The following TRPM3 variants were observed in gnomAD, a reference collection of about 807,000 sequenced individuals.
The protein encoded by TRPM3 is long transient receptor potential channel 3.
In TRPM3, 77 loss-of-function variants were observed where a neutral mutation model predicts 181.2. That is an observed-to-expected ratio of 0.42 (90% CI 0.35 to 0.51). The LOEUF is 0.51. Ranked by LOEUF, TRPM3 falls within the 20% of genes least tolerant of loss-of-function variation. The probability of loss-of-function intolerance (pLI) is 0.01; values close to 1 mark genes in which losing one functional copy is unlikely to be tolerated. For synonymous variants in TRPM3, 745 were observed against 796.4 expected (o/e 0.94, Z 1.09); for missense variants, 1,759 against 2,196.7 (o/e 0.80, Z 3.98).
intron 1 of TRPM3, among the ~76,000 whole-genome samples, chr9:71,398,369 G>T (rs952950796): frequency 1.3e-5 from 2 of 152,164 alleles, no homozygotes; most frequent in African/African-American, 4.8e-5. Flanking sequence ...ATGAGAAGCT[G>T]TGTGTACTTT....
Position 70,535,624 on chromosome 9 carries a change from G to A in TRPM3, c.*329C>T, listed in dbSNP as rs910367079. The A allele has an allele frequency of 2.5e-5, 37 of 1,459,228 alleles. No individual in the cohort carries two copies. Among genetic ancestry groups the A allele is most frequent in the Middle Eastern group, 2.2e-4 (1 of 4,560 alleles). 90.4% of individuals were successfully genotyped at this position (1,459,228 alleles called of 1,614,324 possible). ...ATGCCTCCTGGCATGGAGCGTGCTC[G>A]AAGCCCCTTGTTTCCCCTGCTCTCA... On this transcript the variant is annotated 3_prime_UTR_variant, in exon 26 of 26. Transcript: ENST00000677713.
intron 1 of TRPM3, among the ~76,000 whole-genome samples, chr9:70,939,682 GAT>G (rs1002960844): frequency 2.0e-5 from 3 of 152,244 alleles, no homozygotes; most frequent in African/African-American, 7.2e-5. Context: ...CTAAAGGAGA[GAT>G]AGCTCAATCT....
intron 6 of TRPM3, among the ~76,000 whole-genome samples, chr9:70,789,116 C>T (rs2084690748): frequency 6.6e-6 from 1 of 152,032 alleles, no homozygotes; most frequent in Non-Finnish European, 1.5e-5. Context: ...AGCTCAAACA[C>T]AGGATATTTA....
intron 11 of TRPM3, among the ~76,000 whole-genome samples, chr9:70,635,603 C>G (rs984729041): frequency 9.9e-5 from 15 of 151,360 alleles, no homozygotes; most frequent in Non-Finnish European, 1.9e-4. Context: ...GTACACAACA[C>G]CATGCCTGGC....
At chr9:71,119,920 C>T (rs6560176) in intron 1 of TRPM3, among the ~76,000 whole-genome samples, 9,159 of 152,232 alleles carry the variant, frequency 0.06, 417 homozygotes, top group African/African-American at 0.11. Context: ...CCTAGGGAAG[C>T]AAGCCATCGC....
intron 1 of TRPM3, among the ~76,000 whole-genome samples, chr9:71,359,863 G>T (rs1159382892): frequency 6.6e-6 from 1 of 152,006 alleles, no homozygotes; most frequent in South Asian, 2.1e-4. Context: ...TATCCATAAA[G>T]TTATTACGTA....
chr9:71,367,448 T>C (rs375217292), intron 1 of TRPM3, among the ~76,000 whole-genome samples: 1 of 152,204 alleles, frequency 6.6e-6, no homozygotes, highest in South Asian at 2.1e-4. Context: ...AATTCACCTG[T>C]AAAAGGCAAG....
intron 6 of TRPM3, 130 bp downstream of exon 6, chr9:70,827,717 C>A: frequency 8.6e-7 from 1 of 1,160,840 alleles, no homozygotes; most frequent in Non-Finnish European, 1.2e-6. Context: ...AAGCTCTGGC[C>A]CGGTAGAAAT....
At chr9:71,263,319 A>G (rs1050283232) in intron 1 of TRPM3, among the ~76,000 whole-genome samples, 1 of 152,122 alleles carries the variant, frequency 6.6e-6, no homozygotes, top group Non-Finnish European at 1.5e-5. Context: ...ATTTCTCTTC[A>G]TTTAATTTCA....
chr9:71,335,677 T>C (rs2090504044), intron 1 of TRPM3, among the ~76,000 whole-genome samples: 1 of 152,154 alleles, frequency 6.6e-6, no homozygotes, highest in South Asian at 2.1e-4. Context: ...AGAAATAACC[T>C]TTTTAAAAGG....
intron 1 of TRPM3, among the ~76,000 whole-genome samples, chr9:70,880,465 T>C (rs187040317): frequency 7.9e-5 from 12 of 152,276 alleles, no homozygotes; most frequent in Admixed American, 1.3e-4. Flanking sequence ...TGGTCCTTGC[T>C]AGCTTTCATC....
chr9:71,438,506 C>A (rs1174428873), intron 1 of TRPM3, among the ~76,000 whole-genome samples: 1 of 149,644 alleles, frequency 6.7e-6, no homozygotes, highest in Non-Finnish European at 1.5e-5. Flanking sequence ...CCCTTCTCTA[C>A]AAAAAAAAAT....
chr9:70,570,262 G>A (rs1389935321), intron 22 of TRPM3, among the ~76,000 whole-genome samples: 2 of 145,528 alleles, frequency 1.4e-5, no homozygotes, highest in African/African-American at 2.6e-5. Flanking sequence ...AGATTCACTT[G>A]GTAGTTAGCA....
At chr9:70,749,883 A>G (rs1031363475) in intron 8 of TRPM3, among the ~76,000 whole-genome samples, 1 of 152,216 alleles carries the variant, frequency 6.6e-6, no homozygotes, top group East Asian at 1.9e-4. Flanking sequence ...GATAAAGTCC[A>G]TTTGACCCAG....
intron 1 of TRPM3, among the ~76,000 whole-genome samples, chr9:71,201,363 C>CT (rs1338993405): frequency 6.6e-6 from 1 of 152,032 alleles, no homozygotes; most frequent in Non-Finnish European, 1.5e-5. Flanking sequence ...TGGAGTTGTT[C>CT]TTCTCGAGGA....
rs759788575 is a variant in TRPM3, at chr9:70,536,876, C to G, written c.4237G>C (p.Asp1413His). The G allele has an allele frequency of 1.2e-6, 2 of 1,614,158 alleles. No individual in the cohort carries two copies. The highest frequency in any genetic ancestry group is 3.3e-5 in the Admixed American group (2 of 60,024). The stretch of plus-strand genomic sequence containing the variant: ...TCATCCATAGCAGAGACATAGATGT[C>G]TATACACGATGATGGTCTTCTGGAA... ...PDSRRPSSCI[D>H]IYVSAMDELH... The change falls in exon 26 of 26, where the codon GAC (aspartate) becomes CAC (histidine). Residue 1413 changes from aspartate to histidine, a missense_variant. Coordinates refer to ENST00000677713, the MANE Select transcript of TRPM3 (RefSeq NM_001366145.2).
intron 1 of TRPM3, among the ~76,000 whole-genome samples, chr9:71,014,542 G>T (rs555463755): frequency 6.6e-6 from 1 of 152,110 alleles, no homozygotes; most frequent in African/African-American, 2.4e-5. Context: ...CTTACTTTTT[G>T]ATAGATATTA....
intron 1 of TRPM3, among the ~76,000 whole-genome samples, chr9:71,246,894 T>C (rs2082064127): frequency 6.6e-6 from 1 of 152,194 alleles, no homozygotes; most frequent in South Asian, 2.1e-4. Flanking sequence ...CAAATATAGA[T>C]TACTGAAAGG....
In TRPM3 at chr9:71,351,870, G is replaced by GTTTTTTTTTTTTTT. The variant is rs1398031517; in HGVS notation, c.183+94782_183+94783insAAAAAAAAAAAAAA. On this transcript the variant is annotated intron_variant, in intron 1 of 24. Transcript: ENST00000357533. ...ATGGGAAGTTTTTGTTTGTTTGTTTGTTTTTGTTTTTTTTTTTTTTTTTGA... is the reference window on the plus strand; with the variant it reads ...ATGGGAAGTTTTTGTTTGTTTGTTTGTTTTTTTTTTTTTTTTTTTGTTTTTTTTTTTTTTTTTGA... Among the ~76,000 whole-genome samples, 3 of 95,658 alleles carry GTTTTTTTTTTTTTT rather than the reference G, an allele frequency of 3.1e-5. 1 individual carries two copies. 62.8% of individuals were successfully genotyped at this position (95,658 alleles called of 152,430 possible).
Sources: allele counts gnomAD v4.1 joint callset (sites outside exome capture counted in the v4.1 genomes callset), GRCh38; gene constraint gnomAD v4.1.1; transcripts MANE v1.5; gene names NCBI Gene and HGNC (gene_info 2026-07-23, HGNC 2026-07-21).